PLXDC1: variants seen among roughly 807,000 people sequenced by gnomAD.
PLXDC1 encodes the protein plexin domain containing 1, also known as plexin domain-containing protein 1.
In PLXDC1, 39 loss-of-function variants were observed where a neutral mutation model predicts 61.3. That is an observed-to-expected ratio of 0.64 (90% CI 0.49 to 0.83). The LOEUF (loss-of-function observed/expected upper bound fraction) is 0.83, where lower values mean the gene tolerates loss of function less well. Ranked by LOEUF, PLXDC1 falls within the 40% of genes least tolerant of loss-of-function variation. The pLI, the probability that PLXDC1 is intolerant of heterozygous loss-of-function variation, is 0.00. For synonymous variants in PLXDC1, 212 were observed against 254.5 expected, an observed-to-expected ratio of 0.83 and a Z score of 1.59; for missense variants, 596 against 666.5, an observed-to-expected ratio of 0.89 and a Z score of 1.17.
At chr17:39,128,209 G>GTACATATATA (rs1911414941) in intron 2 of PLXDC1, among the ~76,000 whole-genome samples, 1 of 129,834 alleles carries the variant, frequency 7.7e-6, no homozygotes, top group African/African-American at 2.9e-5. Flanking sequence ...GTATATATAT[G>GTACATATATA]TGTGTGTGTA....
chr17:39,151,364 G>A lies in PLXDC1; in HGVS notation c.74C>T (p.Ala25Val). ...GGGCCGGCTCCCGCCAGTCCTACCT[G>A]CTCCGGGCTGGGGGCTCAGCGCCCG... ...AARALSPQPGAGHDEGPGSGW... is the reference protein window; with the variant it reads ...AARALSPQPGVGHDEGPGSGW... Residue 25 changes from alanine to valine, a missense_variant and splice_region_variant, in exon 1 of 14, where the codon GCA becomes GTA. Transcript: ENST00000315392. This position sits in a 1 kb window ranked among gnomAD's most constrained non-coding sequence, Gnocchi z 5.2. The A allele has an allele frequency of 7.8e-7, 1 of 1,289,196 alleles. No homozygotes were observed. Among genetic ancestry groups the A allele is most frequent in the Non-Finnish European group, 9.8e-7 (1 of 1,018,530 alleles). The allele number at this position is 1,289,196 out of a possible 1,614,324, so 79.9% of individuals were successfully genotyped here. A position where few individuals can be genotyped will look rare whatever the true frequency, so the allele number is the denominator to read the frequency against.
intron 8 of PLXDC1, among the ~76,000 whole-genome samples, chr17:39,084,024 G>A (rs1909656867): frequency 6.6e-6 from 1 of 152,052 alleles, no homozygotes; most frequent in Non-Finnish European, 1.5e-5. Context: ...ACTCATATGG[G>A]GACACAGACA....
intron 8 of PLXDC1, 133 bp from the exon 9 acceptor site, chr17:39,083,673 C>G (rs946585099): frequency 1.4e-6 from 1 of 709,914 alleles, no homozygotes; most frequent in South Asian, 1.6e-5. Flanking sequence ...GTCATTAATG[C>G]CACCTCCCTT....
intron 1 of PLXDC1, among the ~76,000 whole-genome samples, chr17:39,143,354 C>A (rs928670669): frequency 2.0e-5 from 3 of 152,200 alleles, no homozygotes; most frequent in African/African-American, 7.2e-5. Flanking sequence ...TCAACCTCTG[C>A]CTTCCCCCAG....
intron 11 of PLXDC1, among the ~76,000 whole-genome samples, chr17:39,076,367 C>G (rs893284180): frequency 6.6e-6 from 1 of 150,990 alleles, no homozygotes; most frequent in Non-Finnish European, 1.5e-5. Flanking sequence ...AAAAATTAGC[C>G]AGGTATGGTG....
In PLXDC1 at chr17:39,063,643, C is replaced by T. The variant is rs570018202; in HGVS notation, c.*4197G>A. ...AAAGAATGCTTCCTTTTATTATTAACACTGAGAATCCATGCAGAGAGTTTA... is the reference window on the plus strand; with the variant it reads ...AAAGAATGCTTCCTTTTATTATTAATACTGAGAATCCATGCAGAGAGTTTA... On this transcript the variant is annotated 3_prime_UTR_variant, in exon 14 of 14. Coordinates refer to ENST00000315392, the MANE Select transcript of PLXDC1 (RefSeq NM_020405.5). 114 of 612,570 alleles carry T rather than the reference C, an allele frequency of 1.9e-4. 2 individuals carry two copies. In the Middle Eastern group the frequency reaches 2.0e-3, roughly 11 times the overall value. 37.9% of individuals were successfully genotyped at this position (612,570 alleles called of 1,614,324 possible). A position where few individuals can be genotyped will look rare whatever the true frequency, so the allele number is the denominator to read the frequency against.
chr17:39,131,560 C>T (rs1911563641), intron 2 of PLXDC1, among the ~76,000 whole-genome samples: 1 of 152,080 alleles, frequency 6.6e-6, no homozygotes, highest in Admixed American at 6.6e-5. Flanking sequence ...ACCATGTTAG[C>T]CAGGCTGGTC....
chr17:39,137,799 G>T (rs934638299), intron 2 of PLXDC1, among the ~76,000 whole-genome samples: 1 of 151,904 alleles, frequency 6.6e-6, no homozygotes, highest in Non-Finnish European at 1.5e-5. Context: ...TTCCCAGGAC[G>T]AACAGAAAGG....
At chr17:39,121,639 GACTAATA>G (rs1369532325) in intron 2 of PLXDC1, among the ~76,000 whole-genome samples, 1 of 152,166 alleles carries the variant, frequency 6.6e-6, no homozygotes, top group East Asian at 1.9e-4. Flanking sequence ...CCATGGCAAA[GACTAATA>G]ACTGCCTCCC....
At chr17:39,079,354 T>A (rs757016698) in intron 9 of PLXDC1, 190 bp from the exon 10 acceptor site, 3 of 618,504 alleles carry the variant, frequency 4.9e-6, no homozygotes, top group Non-Finnish European at 9.1e-6. Context: ...CTGCCTTCCT[T>A]CCCACCCAGC....
intron 1 of PLXDC1, among the ~76,000 whole-genome samples, chr17:39,140,627 G>C (rs1911907834): frequency 6.6e-6 from 1 of 152,224 alleles, no homozygotes; most frequent in Non-Finnish European, 1.5e-5. Context: ...AAGAGCCTCA[G>C]GGGAGATTTT....
chr17:39,095,345 A>G (rs1341736592), intron 7 of PLXDC1, among the ~76,000 whole-genome samples: 2 of 106,834 alleles, frequency 1.9e-5, no homozygotes, highest in Admixed American at 2.0e-4. Context: ...TTATTTTTTT[A>G]ATAAAAGAAT....
chr17:39,124,296 G>T (rs1434795854), intron 2 of PLXDC1, among the ~76,000 whole-genome samples: 1 of 152,236 alleles, frequency 6.6e-6, no homozygotes, highest in African/African-American at 2.4e-5. Context: ...GAGACGGTGG[G>T]TAAGAGCTCA....
intron 2 of PLXDC1, among the ~76,000 whole-genome samples, chr17:39,125,120 G>A (rs928574292): frequency 3.3e-5 from 5 of 152,086 alleles, no homozygotes; most frequent in African/African-American, 1.2e-4. Flanking sequence ...TCCTTTTAAT[G>A]TCCCCTGTTA....
At chr17:39,096,034 A>G (rs1022343023) in intron 7 of PLXDC1, among the ~76,000 whole-genome samples, 1 of 152,244 alleles carries the variant, frequency 6.6e-6, no homozygotes, top group African/African-American at 2.4e-5. Flanking sequence ...CCAGATGCCC[A>G]TGGGAGAGTG....
chr17:39,085,867 G>A (rs1567756537), intron 8 of PLXDC1, among the ~76,000 whole-genome samples: 1 of 152,066 alleles, frequency 6.6e-6, no homozygotes, highest in Admixed American at 6.5e-5. Flanking sequence ...GCTTCCAGGT[G>A]GGAGCCCTGC....
chr17:39,083,515 G>T lies in PLXDC1; in HGVS notation c.933C>A (p.Asp311Glu), dbSNP rs375508586. ...AGGTCAGGTCTGAGGACATGCAGGC[G>T]TCACAGCTCCTATGCTGCAGGCAGG... is the stretch of plus-strand genomic sequence containing the variant. ...LPTCLQHRSC[D>E]ACMSSDLTFN... The change falls in exon 9 of 14, where the codon GAC becomes GAA. Residue 311 changes from aspartate (D) to glutamate (E), a missense_variant. Physicochemically the swap from Asp to Glu is conservative, Grantham distance 45 (BLOSUM62 2). Coordinates refer to ENST00000315392, the MANE Select transcript of PLXDC1 (RefSeq NM_020405.5). The T allele has an allele frequency of 1.2e-6, 2 of 1,613,442 alleles. No homozygotes were observed. The highest frequency in any genetic ancestry group is 4.5e-5 in the East Asian group (2 of 44,856).
intron 7 of PLXDC1, among the ~76,000 whole-genome samples, chr17:39,089,804 T>G (rs1045728319): frequency 2.0e-5 from 3 of 152,100 alleles, no homozygotes; most frequent in African/African-American, 7.2e-5. Flanking sequence ...TCTCATTATT[T>G]ATTTACTTAT....
chr17:39,074,264 G>C lies in PLXDC1; in HGVS notation c.1187-1779C>G, dbSNP rs567847318. Among the ~76,000 whole-genome samples the C allele has an allele frequency of 3.3e-5, 5 of 152,286 alleles. No individual in the cohort carries two copies. In the South Asian group the frequency reaches 1.0e-3, roughly 32 times the overall value. On this transcript the variant is annotated intron_variant, in intron 11 of 13. Transcript: ENST00000315392. ...CAATGGCATGTACCTGCAGCACTTA[G>C]TAGGTTGAGGTGGGAGGATCCTTGA... is the stretch of plus-strand genomic sequence containing the variant.
Sources: gnomAD v4.1 joint callset for allele counts (sites outside exome capture counted in the v4.1 genomes callset) on GRCh38, gnomAD v4.1.1 for gene constraint, Gnocchi (gnomAD v3.1) non-coding constraint, MANE v1.5 for transcripts, NCBI Gene and HGNC (gene_info 2026-07-23, HGNC 2026-07-21) for gene names.